Variants in DLGAP2 observed in about 807,000 individuals in gnomAD.
DLGAP2 encodes disks large-associated protein 2.
A neutral mutation model predicts 100.3 loss-of-function variants in DLGAP2; 26 were observed. The observed-to-expected ratio is 0.26, with a 90% confidence interval of 0.19 to 0.36. The LOEUF (loss-of-function observed/expected upper bound fraction) is 0.36. Among genes scored for constraint, DLGAP2 ranks in the 10% least tolerant of loss-of-function variants. The probability of loss-of-function intolerance (pLI) is 1.00; values close to 1 mark genes in which losing one functional copy is unlikely to be tolerated. For synonymous variants in DLGAP2, 886 were observed against 630.1 expected, an observed-to-expected ratio of 1.41 and a Z score of -6.08; for missense variants, 1,858 against 1,453.2, an observed-to-expected ratio of 1.28 and a Z score of -4.53.
chr8:883,171 C>T (rs1479656572), intron 1 of DLGAP2: 1 of 152,480 alleles, frequency 6.6e-6, no homozygotes, highest in African/African-American at 2.4e-5. Flanking sequence ...ATTGTGATCT[C>T]AGTGGAAGTC....
chr8:1,196,514 C>T (rs74363473), intron 2 of DLGAP2, among the ~76,000 whole-genome samples: 1 of 152,120 alleles, frequency 6.6e-6, no homozygotes, highest in Non-Finnish European at 1.5e-5. Flanking sequence ...TGGAACAAGT[C>T]GTCTGTGATT....
At chr8:1,600,859 A>C (rs1796602583) in intron 6 of DLGAP2, among the ~76,000 whole-genome samples, 1 of 152,070 alleles carries the variant, frequency 6.6e-6, no homozygotes. Flanking sequence ...CCACTTTCTG[A>C]AACCTACTTC....
chr8:1,255,372 A>T (rs1318661280), intron 2 of DLGAP2, among the ~76,000 whole-genome samples: 16 of 44,568 alleles, frequency 3.6e-4, no homozygotes, highest in South Asian at 9.7e-4. Flanking sequence ...GTGCCCTCTC[A>T]TCCTGCCCGG....
chr8:1,259,782 C>T (rs1056616960), intron 3 of DLGAP2: 1 of 152,114 alleles, frequency 6.6e-6, no homozygotes, highest in Non-Finnish European at 1.5e-5. Context: ...GGCTCTTACT[C>T]GTAATTTAAA....
At chr8:793,716 C>T (rs531681998) in intron 1 of DLGAP2, among the ~76,000 whole-genome samples, 70 of 152,364 alleles carry the variant, frequency 4.6e-4, no homozygotes, top group East Asian at 9.6e-4. Flanking sequence ...CCACAGCTCA[C>T]AGACTTTCTC....
Position 1,243,435 on chromosome 8 carries a change from A to G in DLGAP2, c.74-15416A>G, listed in dbSNP as rs369758854. On this transcript the variant is annotated intron_variant, in intron 2 of 14. Coordinates refer to ENST00000637795, the MANE Select transcript of DLGAP2 (RefSeq NM_001346810.2). ...AGCTGCCTGGCCTGCACCCTCTGTC[A>G]TCTGAGGCCAGATGTTCTGGACTTG... is the stretch of plus-strand genomic sequence containing the variant. Among the ~76,000 whole-genome samples the G allele has an allele frequency of 5.9e-5, 9 of 152,152 alleles. No homozygotes were observed. The East Asian group carries it at 1.7e-3, about 29-fold the overall frequency.
At chr8:917,417 T>A (rs1798617780) in intron 2 of DLGAP2, among the ~76,000 whole-genome samples, 1 of 152,112 alleles carries the variant, frequency 6.6e-6, no homozygotes, top group Non-Finnish European at 1.5e-5. Flanking sequence ...TTTTGAATTT[T>A]TATAGAGGTG....
chr8:805,800 A>C (rs190354212), intron 1 of DLGAP2, among the ~76,000 whole-genome samples: 17 of 152,156 alleles, frequency 1.1e-4, no homozygotes. Context: ...CAGGGATTAC[A>C]TGCGTGAGCC....
intron 6 of DLGAP2, among the ~76,000 whole-genome samples, chr8:1,619,416 C>T (rs1011703956): frequency 6.6e-6 from 1 of 152,196 alleles, no homozygotes; most frequent in Admixed American, 6.5e-5. Flanking sequence ...CACTGTCTAT[C>T]AATTTTCTCT....
chr8:1,318,286 G>C (rs964708386), intron 3 of DLGAP2, among the ~76,000 whole-genome samples: 6 of 152,142 alleles, frequency 3.9e-5, no homozygotes, highest in Non-Finnish European at 5.9e-5. Flanking sequence ...GAAATAAAAA[G>C]GTTGGTGTTT....
rs77842121 is a variant in DLGAP2 at position 990,098 on chromosome 8, C to T, written c.73+82132C>T. ...AGAATTTCATGAAAGGGGTCATCTA[C>T]GACTTCAGTGCTGTGTTACCTCCTT... On this transcript the variant is annotated intron_variant, in intron 2 of 14. Coordinates refer to ENST00000637795, the MANE Select transcript of DLGAP2 (RefSeq NM_001346810.2). Among the ~76,000 whole-genome samples the T allele has an allele frequency of 1.2e-3, 178 of 152,138 alleles. 1 individual carries two copies. Among genetic ancestry groups the T allele is most frequent in the African/African-American group, 3.2e-3 (131 of 41,472 alleles).
At chr8:1,683,318 G>C (rs189417316) in intron 12 of DLGAP2, among the ~76,000 whole-genome samples, 2 of 151,646 alleles carry the variant, frequency 1.3e-5, no homozygotes, top group East Asian at 3.9e-4. Context: ...GGAGATTCAA[G>C]AGTCCACGCA....
intron 2 of DLGAP2, among the ~76,000 whole-genome samples, chr8:1,188,285 G>C (rs375964414): frequency 6.9e-4 from 61 of 88,112 alleles, no homozygotes; most frequent in African/African-American, 2.2e-3. Flanking sequence ...TGTGACGTTT[G>C]CCTCACAGAA....
chr8:817,048 G>A (rs988584302), intron 1 of DLGAP2, among the ~76,000 whole-genome samples: 2 of 151,862 alleles, frequency 1.3e-5, no homozygotes, highest in East Asian at 1.9e-4. Flanking sequence ...GGCTGAGGCC[G>A]GAGAAAGGTG....
chr8:1,283,367 A>G (rs1046447097), intron 3 of DLGAP2, among the ~76,000 whole-genome samples: 2 of 152,116 alleles, frequency 1.3e-5, no homozygotes, highest in African/African-American at 4.8e-5. Flanking sequence ...TCGTCCCCTC[A>G]ATGGCGCCCA....
At chr8:1,005,371 C>G (rs985935989) in intron 2 of DLGAP2, among the ~76,000 whole-genome samples, 1 of 151,478 alleles carries the variant, frequency 6.6e-6, no homozygotes, top group Non-Finnish European at 1.5e-5. Flanking sequence ...AGTTGATGCC[C>G]ATGTTGTTTC....
At chr8:1,470,409 C>T (rs566851914) in intron 3 of DLGAP2, among the ~76,000 whole-genome samples, 17 of 152,072 alleles carry the variant, frequency 1.1e-4, no homozygotes, top group African/African-American at 3.4e-4. Context: ...TCTGAGTGGC[C>T]GATGCAGTGG....
At chr8:1,474,220 T>C (rs547166318) in intron 3 of DLGAP2, among the ~76,000 whole-genome samples, 64 of 152,290 alleles carry the variant, frequency 4.2e-4, no homozygotes, top group African/African-American at 1.5e-3. Flanking sequence ...TTTTATTCCG[T>C]TTTTTGGCTG....
At chr8:867,749 C>A (rs1278180756) in intron 1 of DLGAP2, among the ~76,000 whole-genome samples, 1 of 152,168 alleles carries the variant, frequency 6.6e-6, no homozygotes, top group Non-Finnish European at 1.5e-5. Flanking sequence ...TGCGTAATTC[C>A]TGTTCATATT....
Sources: allele counts gnomAD v4.1 joint callset (sites outside exome capture counted in the v4.1 genomes callset), GRCh38; gene constraint gnomAD v4.1.1; transcripts MANE v1.5; gene names NCBI Gene and HGNC (gene_info 2026-07-23, HGNC 2026-07-21).